Variants in CD2AP observed in about 807,000 individuals in gnomAD.
The protein encoded by CD2AP is CD2-associated protein.
A neutral mutation model predicts 85.1 loss-of-function variants in CD2AP; 46 were observed. That is an observed-to-expected ratio of 0.54 (90% confidence interval 0.43 to 0.69). The LOEUF (loss-of-function observed/expected upper bound fraction) is 0.69, where lower values mean the gene tolerates loss of function less well. Ranked by LOEUF, CD2AP falls within the 30% of genes least tolerant of loss-of-function variation. CD2AP has a pLI of 0.00. For missense variants in CD2AP, 769 were observed against 729.5 expected (o/e 1.05, Z -0.62); for synonymous variants, 255 against 252.9 (o/e 1.01, Z -0.08).
At position 47,617,865 on chromosome 6, in the gene CD2AP, A is replaced by T. The variant is rs560994045; in HGVS notation, c.1878+5329A>T. 2.0e-5 allele frequency among the ~76,000 whole-genome samples: 3 copies of T among 152,266 alleles called. No individual in the cohort carries two copies. The South Asian group carries it at 6.2e-4, about 32-fold the overall frequency. ...ATCTTTCTTTACTTGCTGATTCTCC[A>T]TTGTGCCTCTTACAATTGATAAGTC... On this transcript the variant is annotated intron_variant, in intron 17 of 17. Transcript: ENST00000359314.
chr6:47,605,847 C>G (rs1398372009), intron 13 of CD2AP, among the ~76,000 whole-genome samples: 1 of 151,918 alleles, frequency 6.6e-6, no homozygotes, highest in African/African-American at 2.4e-5. Context: ...GTTTTTTATG[C>G]TACTACAGTT....
intron 3 of CD2AP, among the ~76,000 whole-genome samples, chr6:47,542,803 G>A (rs1562023973): frequency 1.3e-5 from 2 of 152,208 alleles, no homozygotes; most frequent in African/African-American, 4.8e-5. Flanking sequence ...AAGCGAATAG[G>A]GGGTGGTAAG....
At chr6:47,578,989 C>T (rs1297131850) in intron 8 of CD2AP, among the ~76,000 whole-genome samples, 3 of 152,128 alleles carry the variant, frequency 2.0e-5, no homozygotes, top group Non-Finnish European at 4.4e-5. Flanking sequence ...CCTCTGAGAA[C>T]ATTTTAACGT....
chr6:47,481,118 A>C lies in CD2AP; in HGVS notation c.4+2870A>C, dbSNP rs114163161. 7.8e-3 allele frequency among the ~76,000 whole-genome samples: 1,194 copies of C among 152,332 alleles called. 13 individuals are homozygous for C. Among genetic ancestry groups the C allele is most frequent in the African/African-American group, 0.027 (1,114 of 41,564 alleles). On this transcript the variant is annotated intron_variant, in intron 1 of 17. Transcript: ENST00000359314. ...CTTATTTTTCTTATTCCAAAAATAC[A>C]GATCGGCATTTTGGAGCAGAATTAG... is the stretch of plus-strand genomic sequence containing the variant.
chr6:47,591,568 T>G (rs1302671053), intron 11 of CD2AP, among the ~76,000 whole-genome samples: 1 of 152,250 alleles, frequency 6.6e-6, no homozygotes, highest in South Asian at 2.1e-4. Context: ...TTTTTTAAAT[T>G]AGAATTTATG....
At chr6:47,527,419 AAGG>A (rs1311250726) in intron 2 of CD2AP, among the ~76,000 whole-genome samples, 1 of 152,244 alleles carries the variant, frequency 6.6e-6, no homozygotes, top group Non-Finnish European at 1.5e-5. Flanking sequence ...GAGGCATTAC[AAGG>A]AGATCAAGAA....
At position 47,624,457 on chromosome 6, in the gene CD2AP, C is replaced by A; in HGVS notation, c.*230C>A. 6.4e-6 allele frequency: 3 copies of A among 471,080 alleles called. No homozygotes were observed. The highest frequency in any genetic ancestry group is 1.1e-5 in the Non-Finnish European group (3 of 265,974). 29.2% of individuals were successfully genotyped at this position (471,080 alleles called of 1,614,324 possible). A position where few individuals can be genotyped will look rare whatever the true frequency, so the allele number is the denominator to read the frequency against. Reference sequence around the variant, plus strand: ...CTTAACTGTGCTGGGATTGCAAACACTTTTTAAAAAATTGTTTGCTTGAAA... The same window carrying A: ...CTTAACTGTGCTGGGATTGCAAACAATTTTTAAAAAATTGTTTGCTTGAAA... On this transcript the variant is annotated 3_prime_UTR_variant, in exon 18 of 18. Coordinates refer to ENST00000359314, the MANE Select transcript of CD2AP (RefSeq NM_012120.3).
At chr6:47,610,971 A>ATATATATATATATATATATATATATTTT in intron 16 of CD2AP, among the ~76,000 whole-genome samples, 3 of 112,862 alleles carry the variant, frequency 2.7e-5, no homozygotes, top group African/African-American at 1.1e-4. Context: ...ATATATATGT[A>ATATATATATATATATATATATATATTTT]TTTTTTTTTT....
At chr6:47,592,870 C>T (rs1259677522) in intron 11 of CD2AP, among the ~76,000 whole-genome samples, 1 of 152,146 alleles carries the variant, frequency 6.6e-6, no homozygotes, top group East Asian at 1.9e-4. Flanking sequence ...AAACTGTTAA[C>T]AGTGAGTAAA....
chr6:47,545,072 C>T (rs1767329308), intron 4 of CD2AP: 1 of 188,526 alleles, frequency 5.3e-6, no homozygotes, highest in African/African-American at 2.4e-5. Context: ...TGAATTATCA[C>T]ATTCAAATAT....
chr6:47,574,195 G>A lies in CD2AP; in HGVS notation c.673G>A (p.Val225Met), dbSNP rs776242797. The change falls in exon 6 of 18, where the codon GTG (valine) becomes ATG (methionine). Residue 225 changes from valine (V) to methionine (M), a missense_variant. By Grantham distance (21) the Val-to-Met change is conservative (BLOSUM62 1). Transcript: ENST00000359314. ...GFGDIFKEGSVKLRTRTSSSE... is the reference protein window; with the variant it reads ...GFGDIFKEGSMKLRTRTSSSE... ...TGGAGACATTTTTAAAGAAGGCTCT[G>A]TGAAACTTCGGACAAGAACATCCAG... 2.0e-5 allele frequency: 33 copies of A among 1,613,926 alleles called. No individual in the cohort carries two copies. The highest frequency in any genetic ancestry group is 5.0e-5 in the Admixed American group (3 of 59,996).
At chr6:47,594,873 G>A (rs1768896658) in intron 11 of CD2AP, among the ~76,000 whole-genome samples, 1 of 152,050 alleles carries the variant, frequency 6.6e-6, no homozygotes, top group Non-Finnish European at 1.5e-5. Context: ...GTTTAGCTAT[G>A]TGCTACGATG....
intron 5 of CD2AP, among the ~76,000 whole-genome samples, chr6:47,569,652 G>T (rs911228476): frequency 6.6e-6 from 1 of 151,970 alleles, no homozygotes; most frequent in Non-Finnish European, 1.5e-5. Context: ...GGAGTCAGCT[G>T]AAGTTTTATT....
intron 1 of CD2AP, among the ~76,000 whole-genome samples, chr6:47,488,799 G>A (rs1392153063): frequency 6.6e-6 from 1 of 151,984 alleles, no homozygotes; most frequent in East Asian, 1.9e-4. Context: ...GCTGAGGTGA[G>A]AGCATTACTT....
intron 17 of CD2AP, among the ~76,000 whole-genome samples, chr6:47,617,937 A>C (rs1314918470): frequency 1.3e-5 from 2 of 152,256 alleles, no homozygotes; most frequent in Middle Eastern, 3.4e-3. Flanking sequence ...CTTTTGCCTC[A>C]TCTTCTAATG....
At chr6:47,611,545 T>C (rs180810403) in intron 16 of CD2AP, among the ~76,000 whole-genome samples, 13 of 151,942 alleles carry the variant, frequency 8.6e-5, no homozygotes, top group African/African-American at 3.1e-4. Context: ...GAAGTTAGTT[T>C]TGAAACATTA....
At chr6:47,490,758 C>T (rs1233473050) in intron 1 of CD2AP, among the ~76,000 whole-genome samples, 2 of 152,054 alleles carry the variant, frequency 1.3e-5, no homozygotes, top group Non-Finnish European at 2.9e-5. Flanking sequence ...TTCCTTATAT[C>T]AAATTTCCTT....
chr6:47,495,782 G>A (rs560598993), intron 1 of CD2AP, among the ~76,000 whole-genome samples: 1 of 152,262 alleles, frequency 6.6e-6, no homozygotes, highest in African/African-American at 2.4e-5. Flanking sequence ...TGCCAGTTGA[G>A]TATTTTAAAA....
chr6:47,512,936 A>G (rs910306842), intron 2 of CD2AP, among the ~76,000 whole-genome samples: 2 of 152,248 alleles, frequency 1.3e-5, no homozygotes, highest in African/African-American at 4.8e-5. Context: ...AGATTTCAAC[A>G]TGGATACATA....
Sources: allele counts gnomAD v4.1 joint callset (sites outside exome capture counted in the v4.1 genomes callset), GRCh38; gene constraint gnomAD v4.1.1; transcripts MANE v1.5; gene names NCBI Gene and HGNC (gene_info 2026-07-23, HGNC 2026-07-21).